The following DNAH6 variants were observed in gnomAD, a reference collection of about 807,000 sequenced individuals.
DNAH6 encodes the protein dynein axonemal heavy chain 6, also known as axonemal beta dynein heavy chain 6.
Under a neutral mutation model 491.4 loss-of-function variants are expected in DNAH6, and 340 were observed. The ratio of observed to expected loss-of-function variants is 0.69; its 90% CI spans 0.63 to 0.76. DNAH6 has a LOEUF of 0.76. DNAH6 is among the 30% of genes least tolerant of loss of function. DNAH6 has a pLI of 0.00. For synonymous variants in DNAH6, 1,603 were observed against 1,686.1 expected (o/e 0.95, Z 1.21); for missense variants, 4,443 against 4,972.2 (o/e 0.89, Z 3.20).
chr2:84,791,189 C>CAA (rs34537336), intron 68 of DNAH6, among the ~76,000 whole-genome samples: 12 of 114,316 alleles, frequency 1.0e-4, no homozygotes, highest in African/African-American at 2.4e-4. Context: ...AACTCCATCT[C>CAA]AAAAAAAAAA....
chr2:84,685,666 G>T (rs980635819), intron 43 of DNAH6, among the ~76,000 whole-genome samples, 194 bp downstream of exon 43: 1 of 151,886 alleles, frequency 6.6e-6, no homozygotes, highest in African/African-American at 2.4e-5. Flanking sequence ...TTCAGGAAGG[G>T]TCAGTCGGGC....
At chr2:84,542,120 A>G (rs758313772) in intron 4 of DNAH6, among the ~76,000 whole-genome samples, 1 of 152,208 alleles carries the variant, frequency 6.6e-6, no homozygotes, top group African/African-American at 2.4e-5. Flanking sequence ...AGAATTCAAC[A>G]TCATGGACCA....
chr2:84,504,307 TTC>T, the DNAH6 span, among the ~76,000 whole-genome samples: 2 of 152,172 alleles, frequency 1.3e-5, no homozygotes, highest in African/African-American at 4.8e-5. Flanking sequence ...TCTGAATTCT[TTC>T]TCTCTGTTAT....
rs141168706 is a variant in DNAH6, at chr2:84,805,407, A to G, written c.11482-258A>G. On this transcript the variant is annotated intron_variant, in intron 70 of 76. Transcript: ENST00000389394. ...TGGGGAGTTACTAATCAACAGGCATAAAGTTGCAGTCAAGCAAGATGAATC... is the reference window on the plus strand; with the variant it reads ...TGGGGAGTTACTAATCAACAGGCATGAAGTTGCAGTCAAGCAAGATGAATC... Among the ~76,000 whole-genome samples, 159 of 152,360 alleles carry G rather than the reference A, an allele frequency of 1.0e-3. 1 individual carries two copies. The Middle Eastern group carries it at 0.027, about 26-fold the overall frequency.
the DNAH6 span, among the ~76,000 whole-genome samples, chr2:84,481,081 A>C: frequency 1.3e-5 from 2 of 152,142 alleles, no homozygotes; most frequent in African/African-American, 4.8e-5. Flanking sequence ...TCTAGCAAAC[A>C]CATCAGGACT....
At chr2:84,461,732 G>A in the DNAH6 span, among the ~76,000 whole-genome samples, 2 of 152,112 alleles carry the variant, frequency 1.3e-5, no homozygotes, top group African/African-American at 4.8e-5. Context: ...ATGTTTTAAA[G>A]GTTTTAACTA....
intron 29 of DNAH6, among the ~76,000 whole-genome samples, chr2:84,626,693 C>A (rs1558817714): frequency 6.6e-6 from 1 of 152,198 alleles, no homozygotes; most frequent in Non-Finnish European, 1.5e-5. Flanking sequence ...ACCTCTGCCT[C>A]CCGGGTTCAA....
At position 84,552,898 on chromosome 2, in the gene DNAH6, T is replaced by C. The variant is rs1238132346; in HGVS notation, c.1486-20T>C. The stretch of plus-strand genomic sequence containing the variant: ...CTTGATACTTGTGTCTTTATAACAC[T>C]GTACATATATTCATTTCAGGGGACC... On this transcript the variant is annotated intron_variant, in intron 9 of 76. Coordinates refer to ENST00000389394, the MANE Select transcript of DNAH6 (RefSeq NM_001370.2). 2.8e-6 allele frequency: 4 copies of C among 1,448,432 alleles called. No homozygotes were observed. The South Asian group carries it at 4.8e-5, about 17-fold the overall frequency. The allele number at this position is 1,448,432 out of a possible 1,614,324, so 89.7% of individuals were successfully genotyped here. A position where few individuals can be genotyped will look rare whatever the true frequency, so the allele number is the denominator to read the frequency against.
In DNAH6 at chr2:84,704,256, T is replaced by G. The variant is rs749931613; in HGVS notation, c.8419T>G (p.Leu2807Val). Residue 2807 changes from leucine to valine, a missense_variant, in exon 51 of 77, where the codon TTG (leucine) becomes GTG (valine). By Grantham distance (32) the Leu-to-Val change is conservative. This residue lies in a region of DNAH6 where 1,463 missense variants were observed against 1,656.6 expected (regional missense o/e 0.88). Coordinates refer to ENST00000389394, the MANE Select transcript of DNAH6 (RefSeq NM_001370.2). ...CAGAGTTTTTACAAAGCCCCCAGAT[T>G]TGGTCATGACAGTAATGGAAGCAAT... is the stretch of plus-strand genomic sequence containing the variant. ...EIRVFTKPPD[L>V]VMTVMEAISI... 1.3e-6 allele frequency: 2 copies of G among 1,551,730 alleles called. No homozygotes were observed. Among genetic ancestry groups the G allele is most frequent in the African/African-American group, 2.7e-5 (2 of 73,160 alleles).
At chr2:84,652,593 T>C (rs1690554425) in intron 33 of DNAH6, among the ~76,000 whole-genome samples, 1 of 152,082 alleles carries the variant, frequency 6.6e-6, no homozygotes, top group Non-Finnish European at 1.5e-5. Context: ...CAGTTGTAGA[T>C]TTCCTGCCTT....
chr2:84,503,250 A>C, the DNAH6 span, among the ~76,000 whole-genome samples: 1 of 152,290 alleles, frequency 6.6e-6, no homozygotes, highest in Admixed American at 6.5e-5. Context: ...TGCATAAACA[A>C]ACAAAGGAAG....
chr2:84,727,695 T>C lies in DNAH6; in HGVS notation c.9999T>C (p.Ser3333=), dbSNP rs1443460163. Residue 3333 remains serine, a synonymous_variant, in exon 61 of 77, where the codon TCT becomes TCC. Transcript: ENST00000389394. The stretch of plus-strand genomic sequence containing the variant: ...TGTTCAATACCACCATTGAAACTTC[T>C]GTAAAGACAGAAAATCTACAACAGC... ...KQLFNTTIET[S]VKTENLQQRL... The C allele has an allele frequency of 5.8e-6, 9 of 1,550,842 alleles. No homozygotes were observed. Among genetic ancestry groups the C allele is most frequent in the Non-Finnish European group, 7.9e-6 (9 of 1,146,162 alleles).
intron 64 of DNAH6, chr2:84,778,265 C>T (rs918817035): frequency 3.8e-5 from 22 of 584,484 alleles, no homozygotes; most frequent in Admixed American, 7.4e-5. Flanking sequence ...GCATGTCCGG[C>T]GGGCATCGGT....
intron 4 of DNAH6, among the ~76,000 whole-genome samples, chr2:84,543,086 G>C (rs1678424827): frequency 1.3e-5 from 2 of 152,296 alleles, no homozygotes; most frequent in African/African-American, 4.8e-5. Flanking sequence ...TTGAACCCGG[G>C]AGGCGGAGGT....
At position 84,694,245 on chromosome 2, in the gene DNAH6, G is replaced by A. The variant is rs1695163954; in HGVS notation, c.7293-4G>A. The A allele has an allele frequency of 6.4e-7, 1 of 1,551,196 alleles. No individual in the cohort carries two copies. Among genetic ancestry groups the A allele is most frequent in the Non-Finnish European group, 8.7e-7 (1 of 1,146,518 alleles). On this transcript the variant is annotated splice_polypyrimidine_tract_variant and splice_region_variant and intron_variant, in intron 45 of 76. Coordinates refer to ENST00000389394, the MANE Select transcript of DNAH6 (RefSeq NM_001370.2). ...AAATAAACCCTCTGCTCTGATGTTT[G>A]CAGGATTGCTCGGATGATACGTCAA... is the stretch of plus-strand genomic sequence containing the variant.
chr2:84,749,049 A>G (rs931263371), intron 63 of DNAH6, among the ~76,000 whole-genome samples: 14 of 152,166 alleles, frequency 9.2e-5, no homozygotes, highest in Non-Finnish European at 1.3e-4. Context: ...GAACTCACTC[A>G]TTTCTGTGGG....
chr2:84,567,694 C>T (rs961936796), intron 11 of DNAH6, among the ~76,000 whole-genome samples: 1 of 151,974 alleles, frequency 6.6e-6, no homozygotes, highest in Non-Finnish European at 1.5e-5. Context: ...CTATAAAAAC[C>T]ATAGAAGAAA....
chr2:84,493,386 C>T, the DNAH6 span, among the ~76,000 whole-genome samples: 1 of 152,140 alleles, frequency 6.6e-6, no homozygotes, highest in Non-Finnish European at 1.5e-5. Context: ...TCTCCTTCAT[C>T]GTTTTAATTG....
At position 84,672,257 on chromosome 2, in the gene DNAH6, C is replaced by T. The variant is rs969613720; in HGVS notation, c.6455-70C>T. The T allele has an allele frequency of 3.4e-6, 5 of 1,458,872 alleles. No individual in the cohort carries two copies. In the Admixed American group the frequency reaches 1.0e-4, roughly 31 times the overall value. 90.4% of individuals were successfully genotyped at this position (1,458,872 alleles called of 1,614,324 possible). ...GGATGTCATTGAGTCCAAAGTCATA[C>T]CCTAGCTTTGTCTTACATTTTCTAA... On this transcript the variant is annotated intron_variant, in intron 39 of 76. Transcript: ENST00000389394.
Sources: allele counts gnomAD v4.1 joint callset (sites outside exome capture counted in the v4.1 genomes callset), GRCh38; gene constraint gnomAD v4.1.1; regional missense constraint gnomAD v4.1.1; transcripts MANE v1.5; gene names NCBI Gene and HGNC (gene_info 2026-07-23, HGNC 2026-07-21).